The following PRKAR1B variants were observed in gnomAD, a reference collection of about 807,000 sequenced individuals.
PRKAR1B encodes cAMP-dependent protein kinase type I-beta regulatory subunit.
PRKAR1B carries 22 observed loss-of-function variants against 46.5 expected under a neutral mutation model. That is an observed-to-expected ratio of 0.47 (90% CI 0.34 to 0.68). PRKAR1B has a LOEUF of 0.68. Ranked by LOEUF, PRKAR1B falls within the 30% of genes least tolerant of loss-of-function variation. PRKAR1B has a pLI of 0.01. For synonymous variants in PRKAR1B, 259 were observed against 217.7 expected (o/e 1.19, Z -1.67); for missense variants, 445 against 535.6 (o/e 0.83, Z 1.67).
At chr7:661,437 C>G (rs1476227083) in intron 4 of PRKAR1B, among the ~76,000 whole-genome samples, 4 of 86,276 alleles carry the variant, frequency 4.6e-5, no homozygotes, top group African/African-American at 4.9e-5. Flanking sequence ...CCCAACGGGT[C>G]CAAATACCTA....
At chr7:607,694 G>A (rs1217476736) in intron 4 of PRKAR1B, among the ~76,000 whole-genome samples, 1 of 152,210 alleles carries the variant, frequency 6.6e-6, no homozygotes, top group Non-Finnish European at 1.5e-5. Flanking sequence ...GACGCAGTTT[G>A]CTGTTTTGGT....
intron 2 of PRKAR1B, chr7:691,753 T>C: frequency 1.6e-6 from 2 of 1,228,082 alleles, no homozygotes; most frequent in Non-Finnish European, 2.1e-6. Context: ...GCTGAGGGGA[T>C]GGACCACAGG....
chr7:588,447 ATGGTGATGGTGATGGTGG>A (rs2128450213), intron 7 of PRKAR1B, among the ~76,000 whole-genome samples: 1 of 114,818 alleles, frequency 8.7e-6, no homozygotes, highest in East Asian at 2.5e-4. Context: ...GACAGTGGTG[ATGGTGATGGTGATGGTGG>A]TGATGGTGAT....
At chr7:615,912 AAG>A (rs373264657) in intron 4 of PRKAR1B, among the ~76,000 whole-genome samples, 147 of 151,736 alleles carry the variant, frequency 9.7e-4, no homozygotes, top group Non-Finnish European at 1.9e-3. Flanking sequence ...GGAAGAGAGA[AAG>A]AGAGAAAAAA....
chr7:610,205 C>T (rs999776152), intron 4 of PRKAR1B, among the ~76,000 whole-genome samples: 4 of 152,234 alleles, frequency 2.6e-5, no homozygotes, highest in African/African-American at 9.6e-5. Context: ...ACCCCAGTGA[C>T]TCGAGGCTCA....
chr7:593,532 G>A lies in PRKAR1B; in HGVS notation c.708+2614C>T, dbSNP rs1372127221. ...TTCCAGCCACAAAAATCCCCCAGCC[G>A]GGAGCGACAGGGCGTCAAGGATGGT... On this transcript the variant is annotated intron_variant, in intron 7 of 10. Coordinates refer to ENST00000537384, the MANE Select transcript of PRKAR1B (RefSeq NM_001164760.2). The surrounding 1 kb of genome is among the most constrained non-coding windows in gnomAD (Gnocchi z 6.1). Among the ~76,000 whole-genome samples the A allele has an allele frequency of 2.0e-5, 3 of 152,186 alleles. No individual in the cohort carries two copies. Among genetic ancestry groups the A allele is most frequent in the East Asian group, 1.9e-4 (1 of 5,184 alleles).
intron 4 of PRKAR1B, among the ~76,000 whole-genome samples, chr7:657,011 G>A (rs532047675): frequency 9.2e-5 from 14 of 151,584 alleles, no homozygotes; most frequent in South Asian, 2.1e-4. Flanking sequence ...ATGGATGGAC[G>A]GATGGATGGA....
intron 4 of PRKAR1B, among the ~76,000 whole-genome samples, chr7:631,224 G>A (rs1783719088): frequency 6.6e-6 from 1 of 152,230 alleles, no homozygotes. Context: ...GTGTTGGGAT[G>A]ACAGGCGTGA....
At chr7:694,183 G>A (rs2128518155) in intron 2 of PRKAR1B, among the ~76,000 whole-genome samples, 1 of 152,286 alleles carries the variant, frequency 6.6e-6, no homozygotes, top group East Asian at 1.9e-4. Flanking sequence ...TACTCGGGGG[G>A]CTGAGGCAGG....
At chr7:628,026 G>A (rs1011232557) in intron 4 of PRKAR1B, among the ~76,000 whole-genome samples, 4 of 152,014 alleles carry the variant, frequency 2.6e-5, no homozygotes, top group African/African-American at 9.7e-5. Context: ...CATCACAGGG[G>A]GACAGCGGTG....
Position 550,711 on chromosome 7 carries a change from T to G in PRKAR1B, c.974-109A>C, listed in dbSNP as rs1002427476. On this transcript the variant is annotated intron_variant, in intron 10 of 10. Transcript: ENST00000537384. Reference sequence around the variant, plus strand: ...GCGGCTCCCTTTTAAGGATAGGATGTGCCAGGCACACGTGAATTTCAAACA... The same window carrying G: ...GCGGCTCCCTTTTAAGGATAGGATGGGCCAGGCACACGTGAATTTCAAACA... 37 of 886,608 alleles carry G rather than the reference T, an allele frequency of 4.2e-5. No homozygotes were observed. In the African/African-American group the frequency reaches 5.5e-4, roughly 13 times the overall value. The allele number at this position is 886,608 out of a possible 1,614,324, so 54.9% of individuals were successfully genotyped here.
chr7:551,353 C>G, intron 10 of PRKAR1B, 36 bp downstream of exon 10: 1 of 1,543,614 alleles, frequency 6.5e-7, no homozygotes, highest in Non-Finnish European at 8.8e-7. Flanking sequence ...GAGATGGCCA[C>G]AGCCGTGCGA....
intron 7 of PRKAR1B, among the ~76,000 whole-genome samples, chr7:589,901 C>G (rs1023473800): frequency 6.6e-6 from 1 of 152,242 alleles, no homozygotes; most frequent in Non-Finnish European, 1.5e-5. Flanking sequence ...GACGATCCAG[C>G]CCCTGGATGT....
At chr7:596,589 C>T (rs575978109) in intron 6 of PRKAR1B, among the ~76,000 whole-genome samples, 2 of 152,350 alleles carry the variant, frequency 1.3e-5, no homozygotes, top group East Asian at 1.9e-4. Flanking sequence ...ACACCAGAGG[C>T]GGACGCACCC....
chr7:692,273 G>A (rs976558918), intron 2 of PRKAR1B, among the ~76,000 whole-genome samples: 2 of 152,220 alleles, frequency 1.3e-5, no homozygotes, highest in African/African-American at 2.4e-5. Flanking sequence ...GGTGGCGCAC[G>A]CCTGTAATCC....
chr7:653,013 C>A (rs187958592), intron 4 of PRKAR1B, among the ~76,000 whole-genome samples: 30 of 152,282 alleles, frequency 2.0e-4, no homozygotes, highest in Admixed American at 1.2e-3. Flanking sequence ...GCTCCACCCC[C>A]AGGAGTCCCT....
intron 4 of PRKAR1B, among the ~76,000 whole-genome samples, chr7:613,483 G>A (rs1301256961): frequency 1.3e-5 from 2 of 152,174 alleles, no homozygotes; most frequent in East Asian, 1.9e-4. Context: ...CACAACGTCT[G>A]AGGAAGCGTA....
At chr7:664,594 C>T (rs1396561769) in intron 4 of PRKAR1B, among the ~76,000 whole-genome samples, 2 of 152,168 alleles carry the variant, frequency 1.3e-5, no homozygotes, top group Non-Finnish European at 2.9e-5. Flanking sequence ...CACACACCAC[C>T]AAATTCCACA....
rs186128639 is a variant in PRKAR1B at position 642,746 on chromosome 7, A to G, written c.440+34483T>C. 7.5e-4 allele frequency among the ~76,000 whole-genome samples: 111 copies of G among 147,064 alleles called. 2 individuals are homozygous for G. Among genetic ancestry groups the G allele is most frequent in the East Asian group, 6.4e-3 (33 of 5,180 alleles). ...AGACTCCGTCTCAAAAAAAAAAAAAAAAAGAAAGAAACAAACTCTGCCCCC... is the reference window on the plus strand; with the variant it reads ...AGACTCCGTCTCAAAAAAAAAAAAAGAAAGAAAGAAACAAACTCTGCCCCC... On this transcript the variant is annotated intron_variant, in intron 4 of 10. Coordinates refer to ENST00000537384, the MANE Select transcript of PRKAR1B (RefSeq NM_001164760.2).
Sources: gnomAD v4.1 joint callset for allele counts (sites outside exome capture counted in the v4.1 genomes callset) on GRCh38, gnomAD v4.1.1 for gene constraint, Gnocchi (gnomAD v3.1) non-coding constraint, MANE v1.5 for transcripts, NCBI Gene and HGNC (gene_info 2026-07-23, HGNC 2026-07-21) for gene names.